Variants in SGCZ observed in about 807,000 individuals in gnomAD.
SGCZ encodes sarcoglycan zeta.
A neutral mutation model predicts 41.3 loss-of-function variants in SGCZ; 40 were observed. The ratio of observed to expected loss-of-function variants is 0.97; its 90% CI spans 0.75 to 1.26. The LOEUF is 1.26. SGCZ is among the 50% of genes most tolerant of loss of function. The pLI is 0.00. For synonymous variants in SGCZ, 206 were observed against 137.5 expected (o/e 1.50, Z -3.49); for missense variants, 552 against 369.8 (o/e 1.49, Z -4.04).
intron 4 of SGCZ, among the ~76,000 whole-genome samples, chr8:14,183,543 T>A (rs1804803319): frequency 6.6e-6 from 1 of 152,194 alleles, no homozygotes. Flanking sequence ...AAAGGTGGTT[T>A]ATACTAGAAA....
At chr8:14,450,241 G>A (rs1800552648) in intron 2 of SGCZ, among the ~76,000 whole-genome samples, 1 of 152,170 alleles carries the variant, frequency 6.6e-6, no homozygotes, top group African/African-American at 2.4e-5. Context: ...CTCTGTCAGT[G>A]AGTGCAATTC....
chr8:14,439,594 G>A (rs1033511921), intron 2 of SGCZ, among the ~76,000 whole-genome samples: 1 of 151,582 alleles, frequency 6.6e-6, no homozygotes, highest in African/African-American at 2.4e-5. Context: ...AATAAACAGG[G>A]AGGTTTCCAT....
chr8:14,196,480 G>T (rs778281994), intron 4 of SGCZ, among the ~76,000 whole-genome samples: 2 of 151,962 alleles, frequency 1.3e-5, no homozygotes, highest in Non-Finnish European at 2.9e-5. Context: ...AAAGAAATTG[G>T]TTATGTTTTA....
At chr8:15,113,139 G>A (rs1484922601) in intron 1 of SGCZ, among the ~76,000 whole-genome samples, 1 of 151,158 alleles carries the variant, frequency 6.6e-6, no homozygotes, top group Non-Finnish European at 1.5e-5. Context: ...AGTCCAGGAG[G>A]TCGAGGATGC....
intron 1 of SGCZ, among the ~76,000 whole-genome samples, chr8:14,819,426 C>A (rs375231757): frequency 1.4e-4 from 22 of 152,228 alleles, no homozygotes; most frequent in African/African-American, 5.1e-4. Flanking sequence ...TCCTAGCCTG[C>A]AAAATTGGCC....
chr8:14,711,750 A>G (rs556975875), intron 1 of SGCZ, among the ~76,000 whole-genome samples: 13 of 152,306 alleles, frequency 8.5e-5, no homozygotes, highest in African/African-American at 2.9e-4. Flanking sequence ...GTACTAAATC[A>G]AAAACTGCAC....
chr8:14,858,431 T>G (rs2130672207), intron 1 of SGCZ, among the ~76,000 whole-genome samples: 1 of 152,290 alleles, frequency 6.6e-6, no homozygotes, highest in South Asian at 2.1e-4. Flanking sequence ...CAATTATTTC[T>G]GATTTTATTT....
At chr8:14,624,627 G>A (rs1021048225) in intron 1 of SGCZ, among the ~76,000 whole-genome samples, 4 of 133,894 alleles carry the variant, frequency 3.0e-5, no homozygotes, top group African/African-American at 1.2e-4. Context: ...CTGGAGTGCA[G>A]TTGTGTGATC....
intron 3 of SGCZ, among the ~76,000 whole-genome samples, chr8:14,279,321 T>C (rs1176731556): frequency 1.3e-5 from 2 of 152,052 alleles, no homozygotes. Context: ...TATGCTGCAT[T>C]AAAACAATGC....
intron 1 of SGCZ, among the ~76,000 whole-genome samples, chr8:14,781,418 G>A (rs896803648): frequency 3.3e-5 from 5 of 151,982 alleles, no homozygotes; most frequent in African/African-American, 1.2e-4. Flanking sequence ...TAGTAGAGAT[G>A]GGTTTTTGCC....
rs578224553 is a variant in SGCZ, at chr8:15,026,943, T to C, written c.39+210642A>G. Among the ~76,000 whole-genome samples the C allele has an allele frequency of 2.6e-5, 4 of 152,314 alleles. No individual in the cohort carries two copies. In the South Asian group the frequency reaches 8.3e-4, roughly 32 times the overall value. ...AATCACCAATTGTGCTGATGGTTAA[T>C]ATGTTTATCCCCTTTTCAAAGAAAA... On this transcript the variant is annotated intron_variant, in intron 1 of 7. Transcript: ENST00000382080.
chr8:14,117,685 T>C (rs1311461682), intron 5 of SGCZ, among the ~76,000 whole-genome samples: 1 of 151,594 alleles, frequency 6.6e-6, no homozygotes, highest in Non-Finnish European at 1.5e-5. Context: ...GCTGCACCCA[T>C]CAACCCATCA....
intron 1 of SGCZ, among the ~76,000 whole-genome samples, chr8:14,558,573 T>TGAGAGAGAGA (rs1446126804): frequency 1.6e-4 from 4 of 24,828 alleles, no homozygotes; most frequent in African/African-American, 4.0e-4. Context: ...AGAATGACTC[T>TGAGAGAGAGA]TAGAGAGAGA....
chr8:14,529,702 C>A (rs992521811), intron 2 of SGCZ, among the ~76,000 whole-genome samples: 1 of 152,048 alleles, frequency 6.6e-6, no homozygotes, highest in Non-Finnish European at 1.5e-5. Flanking sequence ...TTAAGTATGT[C>A]TCTCAGGACA....
chr8:14,997,225 T>G (rs757070018), intron 1 of SGCZ, among the ~76,000 whole-genome samples: 1 of 152,238 alleles, frequency 6.6e-6, no homozygotes, highest in Admixed American at 6.5e-5. Context: ...TTAATAGTAT[T>G]CGATTCTAGG....
chr8:14,453,243 T>A (rs551585057), intron 2 of SGCZ, among the ~76,000 whole-genome samples: 48 of 152,314 alleles, frequency 3.2e-4, no homozygotes, highest in African/African-American at 1.2e-3. Context: ...TCGTCTTCAT[T>A]GTGAGCAGCC....
At chr8:14,132,102 C>T (rs540308889) in intron 5 of SGCZ, among the ~76,000 whole-genome samples, 5 of 152,046 alleles carry the variant, frequency 3.3e-5, no homozygotes, top group African/African-American at 1.2e-4. Flanking sequence ...TGATGGTGTC[C>T]CAGAGGTCCC....
In SGCZ at chr8:14,100,468, G is replaced by C. The variant is rs546015423; in HGVS notation, c.744+1908C>G. Among the ~76,000 whole-genome samples the C allele has an allele frequency of 8.0e-5, 12 of 149,404 alleles. No homozygotes were observed. The South Asian group carries it at 2.5e-3, about 31-fold the overall frequency. ...CTTCCGTCCTACTGTGTTAGACAAA[G>C]TATTGTAGTCTACAACTGTAGTGGA... On this transcript the variant is annotated intron_variant, in intron 7 of 7. Coordinates refer to ENST00000382080, the MANE Select transcript of SGCZ (RefSeq NM_139167.4).
intron 1 of SGCZ, among the ~76,000 whole-genome samples, chr8:14,844,455 C>T (rs912914614): frequency 2.0e-5 from 3 of 152,124 alleles, no homozygotes; most frequent in Admixed American, 6.5e-5. Flanking sequence ...ATGTAACAAA[C>T]GTGACTTCGG....
Sources: allele counts gnomAD v4.1 joint callset (sites outside exome capture counted in the v4.1 genomes callset), GRCh38; gene constraint gnomAD v4.1.1; transcripts MANE v1.5; gene names NCBI Gene and HGNC (gene_info 2026-07-23, HGNC 2026-07-21).